SLC2A14: variants seen among roughly 807,000 people sequenced by gnomAD.
The protein encoded by SLC2A14 is solute carrier family 2, facilitated glucose transporter member 14.
SLC2A14 carries 13 observed loss-of-function variants against 43.0 expected under a neutral mutation model. That is an observed-to-expected ratio of 0.30 (90% CI 0.20 to 0.48). The LOEUF is 0.48. SLC2A14 is among the 20% of genes least tolerant of loss of function. The pLI, the probability that SLC2A14 is intolerant of heterozygous loss-of-function variation, is 0.99. For missense variants in SLC2A14, 428 were observed against 620.4 expected (o/e 0.69, Z 3.29); for synonymous variants, 190 against 233.8 (o/e 0.81, Z 1.71).
At chr12:7,834,954 G>T (rs966867246) in intron 2 of SLC2A14, among the ~76,000 whole-genome samples, 3 of 152,234 alleles carry the variant, frequency 2.0e-5, no homozygotes, top group South Asian at 4.1e-4. Flanking sequence ...AGTGTACTTT[G>T]GGAGGAGCCT....
chr12:7,877,277 C>T (rs148764568), upstream of SLC2A14, among the ~76,000 whole-genome samples: 221 of 152,004 alleles, frequency 1.5e-3, no homozygotes, highest in African/African-American at 4.9e-3. Context: ...GGGCTACAGG[C>T]GTGAGCCACC....
chr12:7,863,209 C>T (rs567697255), intron 2 of SLC2A14, among the ~76,000 whole-genome samples: 2 of 152,180 alleles, frequency 1.3e-5, no homozygotes, highest in South Asian at 2.1e-4. Flanking sequence ...CGACTCCTGA[C>T]GCGCTGCCTT....
intron 2 of SLC2A14, among the ~76,000 whole-genome samples, chr12:7,853,027 T>C (rs950308321): frequency 2.0e-5 from 3 of 152,098 alleles, no homozygotes; most frequent in African/African-American, 7.2e-5. Flanking sequence ...CAAAGCAAAA[T>C]GTTAATATCT....
chr12:7,862,451 C>T (rs1449103914), intron 2 of SLC2A14, among the ~76,000 whole-genome samples: 1 of 152,190 alleles, frequency 6.6e-6, no homozygotes, highest in Admixed American at 6.5e-5. Flanking sequence ...TGCAGCCCGC[C>T]ATGCCTGAGC....
upstream of SLC2A14, among the ~76,000 whole-genome samples, chr12:7,874,893 A>T (rs866985332): frequency 5.5e-3 from 480 of 86,666 alleles, 2 homozygotes; most frequent in South Asian, 8.1e-3. Flanking sequence ...TATTTATATA[A>T]AAATTATATA....
chr12:7,874,829 A>ATATATAAATACGTATTTATATATAAAT (rs1945403074), upstream of SLC2A14, among the ~76,000 whole-genome samples: 1 of 86,496 alleles, frequency 1.2e-5, no homozygotes, highest in African/African-American at 3.6e-5. Context: ...TATATAAATT[A>ATATATAAATACGTATTTATATATAAAT]TATATAAATA....
intron 2 of SLC2A14, among the ~76,000 whole-genome samples, chr12:7,862,141 G>A (rs1171562593): frequency 6.7e-6 from 1 of 149,960 alleles, no homozygotes; most frequent in African/African-American, 2.5e-5. Flanking sequence ...GCGCATGCCT[G>A]TAATCCCAGC....
intron 1 of SLC2A14, among the ~76,000 whole-genome samples, chr12:7,880,753 T>A (rs1260676186): frequency 6.8e-6 from 1 of 146,442 alleles, no homozygotes; most frequent in African/African-American, 2.5e-5. Flanking sequence ...ATGCTTGTAA[T>A]CCCTGCACTT....
chr12:7,862,680 G>C (rs1393276834), intron 2 of SLC2A14, among the ~76,000 whole-genome samples: 2 of 152,146 alleles, frequency 1.3e-5, no homozygotes, highest in South Asian at 2.1e-4. Flanking sequence ...GAACCTTTAT[G>C]TCTAGCTCAG....
intron 1 of SLC2A14, among the ~76,000 whole-genome samples, chr12:7,886,093 T>TC (rs1287027916): frequency 6.1e-5 from 9 of 146,994 alleles, no homozygotes; most frequent in African/African-American, 2.5e-5. Flanking sequence ...CAAGCAGTTC[T>TC]CTGCCTCAGC....
chr12:7,826,977 TTCTCTCCTTTC>T (rs1565508770), intron 7 of SLC2A14, among the ~76,000 whole-genome samples: 7 of 10,172 alleles, frequency 6.9e-4, no homozygotes, highest in Non-Finnish European at 1.4e-3. Flanking sequence ...CTCTCTCTCT[TTCTCTCCTTTC>T]TCTCTTTCTC....
chr12:7,839,950 A>T (rs1461833371), intron 2 of SLC2A14: 182 of 376,552 alleles, frequency 4.8e-4, no homozygotes, highest in Non-Finnish European at 8.7e-4. Flanking sequence ...AAAAAAAAAA[A>T]AAATACAAAA....
intron 2 of SLC2A14, among the ~76,000 whole-genome samples, chr12:7,838,279 G>A (rs750532352): frequency 2.0e-5 from 3 of 149,908 alleles, no homozygotes; most frequent in South Asian, 4.2e-4. Context: ...GTAGAGACAG[G>A]GTTTCACCAT....
chr12:7,835,387 A>G (rs1865368054), intron 2 of SLC2A14, among the ~76,000 whole-genome samples: 1 of 152,214 alleles, frequency 6.6e-6, no homozygotes, highest in Non-Finnish European at 1.5e-5. Flanking sequence ...TGTCTCAAAC[A>G]AACAAACAAA....
At chr12:7,872,777 C>G in intron 1 of SLC2A14, 30 bp downstream of exon 1, 1 of 985,532 alleles carries the variant, frequency 1.0e-6, no homozygotes, top group Non-Finnish European at 1.2e-6. Flanking sequence ...CCCGCACCCC[C>G]CGGCCGCAGG....
chr12:7,855,410 G>A (rs1158434734), intron 2 of SLC2A14, among the ~76,000 whole-genome samples: 1 of 152,014 alleles, frequency 6.6e-6, no homozygotes, highest in Admixed American at 6.6e-5. Context: ...AAAAGTGCTG[G>A]GATTACAAGC....
At chr12:7,829,331 G>A (rs1161682973) in intron 5 of SLC2A14, among the ~76,000 whole-genome samples, 2 of 151,762 alleles carry the variant, frequency 1.3e-5, no homozygotes, top group East Asian at 2.0e-4. Flanking sequence ...AGGCCGAGGC[G>A]GGTGGATCAC....
chr12:7,824,809 C>G (rs1042296078), intron 7 of SLC2A14, among the ~76,000 whole-genome samples: 1 of 150,878 alleles, frequency 6.6e-6, no homozygotes, highest in Non-Finnish European at 1.5e-5. Flanking sequence ...ATGCATCAGA[C>G]TGATTGATTG....
chr12:7,885,401 G>A (rs1945671424), intron 1 of SLC2A14, among the ~76,000 whole-genome samples: 1 of 152,018 alleles, frequency 6.6e-6, no homozygotes, highest in Non-Finnish European at 1.5e-5. Context: ...GGAGAGGGAG[G>A]TTGCAGTGAG....
Sources: allele counts gnomAD v4.1 joint callset (sites outside exome capture counted in the v4.1 genomes callset), GRCh38; gene constraint gnomAD v4.1.1; transcripts MANE v1.5; gene names NCBI Gene and HGNC (gene_info 2026-07-23, HGNC 2026-07-21).